RBFOX1: variants seen among roughly 807,000 people sequenced by gnomAD.
RBFOX1 encodes the protein RNA binding protein fox-1 homolog 1.
Under a neutral mutation model 57.7 loss-of-function variants are expected in RBFOX1, and 8 were observed. That is an observed-to-expected ratio of 0.14 (90% CI 0.08 to 0.25). The LOEUF is 0.25. RBFOX1 is among the 10% of genes least tolerant of loss of function. RBFOX1 has a pLI of 1.00. For synonymous variants in RBFOX1, 326 were observed against 222.4 expected (o/e 1.47, Z -4.15); for missense variants, 611 against 548.5 (o/e 1.11, Z -1.14).
At chr16:6,969,757 T>A (rs1186318273) in intron 3 of RBFOX1, among the ~76,000 whole-genome samples, 2 of 151,670 alleles carry the variant, frequency 1.3e-5, no homozygotes, top group Non-Finnish European at 2.9e-5. Flanking sequence ...TAAATAAAAA[T>A]AAGGTAACGT....
chr16:5,926,390 A>G (rs1277604803), intron 4 of RBFOX1, among the ~76,000 whole-genome samples: 2 of 152,008 alleles, frequency 1.3e-5, no homozygotes, highest in Non-Finnish European at 2.9e-5. Context: ...AGTCTTTGAA[A>G]ATGTGGTGAA....
intron 4 of RBFOX1, among the ~76,000 whole-genome samples, chr16:7,472,619 T>G (rs548996759): frequency 1.3e-5 from 2 of 152,326 alleles, no homozygotes; most frequent in South Asian, 4.1e-4. Flanking sequence ...AATTCAGTTC[T>G]TCTCCTCCGA....
intron 2 of RBFOX1, among the ~76,000 whole-genome samples, chr16:5,566,984 C>G (rs1435685031): frequency 1.3e-5 from 2 of 152,166 alleles, no homozygotes; most frequent in Non-Finnish European, 2.9e-5. Context: ...GCTGGGAGTC[C>G]AAATACCCTA....
At chr16:6,212,153 C>T (rs966205709) in intron 1 of RBFOX1, among the ~76,000 whole-genome samples, 3 of 151,986 alleles carry the variant, frequency 2.0e-5, no homozygotes, top group Non-Finnish European at 4.4e-5. Context: ...CCACTGTCCT[C>T]GGCCAATATG....
intron 3 of RBFOX1, among the ~76,000 whole-genome samples, chr16:5,634,070 G>C (rs2048605774): frequency 1.3e-5 from 2 of 152,136 alleles, no homozygotes; most frequent in Non-Finnish European, 2.9e-5. Flanking sequence ...GTCATTAGTT[G>C]CAGTTTCTGA....
chr16:7,283,284 A>G (rs888788400), intron 4 of RBFOX1, among the ~76,000 whole-genome samples: 1 of 151,556 alleles, frequency 6.6e-6, no homozygotes, highest in African/African-American at 2.4e-5. Flanking sequence ...TCAGTTTTCC[A>G]TGGCCTTCCT....
intron 3 of RBFOX1, among the ~76,000 whole-genome samples, chr16:6,978,651 A>G (rs2153583994): frequency 6.6e-6 from 1 of 152,166 alleles, no homozygotes; most frequent in South Asian, 2.1e-4. Flanking sequence ...CCTCATGATG[A>G]TTTTGTTGTC....
chr16:5,779,352 T>A (rs901961475), intron 3 of RBFOX1, among the ~76,000 whole-genome samples: 5 of 152,212 alleles, frequency 3.3e-5, no homozygotes, highest in Non-Finnish European at 5.9e-5. Flanking sequence ...CCCTCCTGCA[T>A]TTTGAACCTA....
chr16:6,511,020 C>G (rs909082767), intron 2 of RBFOX1, among the ~76,000 whole-genome samples: 1 of 152,126 alleles, frequency 6.6e-6, no homozygotes, highest in Non-Finnish European at 1.5e-5. Context: ...ATGATGAGTT[C>G]TGAGGGGTGT....
intron 5 of RBFOX1, among the ~76,000 whole-genome samples, chr16:7,539,810 A>G (rs1017016508): frequency 2.6e-5 from 4 of 152,204 alleles, no homozygotes; most frequent in African/African-American, 4.8e-5. Context: ...GAGAGGAGTC[A>G]TTATCAGAAT....
intron 2 of RBFOX1, among the ~76,000 whole-genome samples, chr16:6,626,915 C>G (rs9941313): frequency 0.016 from 2,471 of 152,290 alleles, 80 homozygotes; most frequent in African/African-American, 0.056. Context: ...ACCTTATACA[C>G]AAAGGCCCTT....
intron 1 of RBFOX1, among the ~76,000 whole-genome samples, chr16:5,424,983 C>CTTT (rs761126588): frequency 0.025 from 631 of 25,594 alleles, 43 homozygotes; most frequent in African/African-American, 0.056. Flanking sequence ...TCTTTCTTTT[C>CTTT]TTTTCTTTTC....
At chr16:6,092,514 C>G (rs1271861427) in intron 1 of RBFOX1, 1 of 152,198 alleles carries the variant, frequency 6.6e-6, no homozygotes, top group Non-Finnish European at 1.5e-5. Context: ...TCGTGTTCAA[C>G]ATGTTATAAC....
chr16:6,440,366 T>A (rs2094350929), intron 2 of RBFOX1, among the ~76,000 whole-genome samples: 1 of 152,186 alleles, frequency 6.6e-6, no homozygotes, highest in African/African-American at 2.4e-5. Flanking sequence ...TACTCATCTA[T>A]GTCTGCAAGG....
intron 2 of RBFOX1, among the ~76,000 whole-genome samples, chr16:6,549,956 G>C (rs1309791321): frequency 6.6e-6 from 1 of 152,132 alleles, no homozygotes; most frequent in Non-Finnish European, 1.5e-5. Flanking sequence ...TCTTTGGCTG[G>C]CTTTGCTTTT....
chr16:7,437,904 G>A lies in RBFOX1; in HGVS notation c.28-80243G>A, dbSNP rs568056783. Among the ~76,000 whole-genome samples the A allele has an allele frequency of 1.3e-4, 17 of 134,284 alleles. No individual in the cohort carries two copies. The South Asian group carries it at 3.8e-3, about 30-fold the overall frequency. The allele number at this position is 134,284 out of a possible 152,430, so 88.1% of individuals were successfully genotyped here. A position where few individuals can be genotyped will look rare whatever the true frequency, so the allele number is the denominator to read the frequency against. ...AATATAGGGTCATATTAGACAAATT[G>A]CTTAAAAAAAAAAAAAGCACACCGC... On this transcript the variant is annotated intron_variant, in intron 4 of 15. Coordinates refer to ENST00000550418, the MANE Select transcript of RBFOX1 (RefSeq NM_018723.4).
intron 3 of RBFOX1, among the ~76,000 whole-genome samples, chr16:6,724,676 C>G (rs1025526647): frequency 1.3e-5 from 2 of 152,086 alleles, no homozygotes; most frequent in Non-Finnish European, 2.9e-5. Flanking sequence ...CTAAGACTGC[C>G]TCAAAGTCAA....
At chr16:6,600,889 T>C (rs1241600376) in intron 2 of RBFOX1, among the ~76,000 whole-genome samples, 2 of 152,198 alleles carry the variant, frequency 1.3e-5, no homozygotes, top group Admixed American at 6.5e-5. Context: ...ATTAGATCTA[T>C]GAAAAAGCCT....
At chr16:7,220,253 C>T (rs908760894) in intron 4 of RBFOX1, among the ~76,000 whole-genome samples, 2 of 152,158 alleles carry the variant, frequency 1.3e-5, no homozygotes, top group African/African-American at 4.8e-5. Flanking sequence ...CAATATAGTA[C>T]TCGTCAGTGG....
Sources: gnomAD v4.1 joint callset for allele counts (sites outside exome capture counted in the v4.1 genomes callset) on GRCh38, gnomAD v4.1.1 for gene constraint, MANE v1.5 for transcripts, NCBI Gene and HGNC (gene_info 2026-07-23, HGNC 2026-07-21) for gene names.